The following NTN4 variants were observed in gnomAD, a reference collection of about 807,000 sequenced individuals.
The protein encoded by NTN4 is netrin 4, also known as netrin-4.
A neutral mutation model predicts 73.6 loss-of-function variants in NTN4; 32 were observed. That is an observed-to-expected ratio of 0.44 (90% CI 0.33 to 0.58). NTN4 has a LOEUF of 0.58. NTN4 is among the 20% of genes least tolerant of loss of function. The probability of loss-of-function intolerance (pLI) is 0.04; values close to 1 mark genes in which losing one functional copy is unlikely to be tolerated. For missense variants in NTN4, 654 were observed against 798.3 expected (o/e 0.82, Z 2.18); for synonymous variants, 258 against 287.5 (o/e 0.90, Z 1.04).
chr12:95,659,740 GTAGA>G (rs1043820778), intron 9 of NTN4, among the ~76,000 whole-genome samples: 19 of 152,186 alleles, frequency 1.2e-4, no homozygotes, highest in African/African-American at 4.6e-4. Context: ...ACCCTGTGAG[GTAGA>G]TAATTTTTTC....
rs548293037 is a variant in NTN4, at chr12:95,713,732, A to G, written c.865-394T>C. On this transcript the variant is annotated intron_variant, in intron 3 of 9. Coordinates refer to ENST00000343702, the MANE Select transcript of NTN4 (RefSeq NM_021229.4). ...AATCTCATTGCAAAATGACATTAAT[A>G]TAACATTTGGAGCATATAATTCCAG... 5.3e-5 allele frequency among the ~76,000 whole-genome samples: 8 copies of G among 152,260 alleles called. No homozygotes were observed. In the East Asian group the frequency reaches 5.8e-4, roughly 11 times the overall value.
intron 2 of NTN4, among the ~76,000 whole-genome samples, chr12:95,744,468 T>C (rs532200679): frequency 2.0e-5 from 3 of 152,302 alleles, no homozygotes; most frequent in African/African-American, 2.4e-5. Flanking sequence ...ATCTATGCCT[T>C]TAATGGGGAT....
chr12:95,726,310 A>G (rs540738162), intron 3 of NTN4, among the ~76,000 whole-genome samples: 7 of 152,112 alleles, frequency 4.6e-5, no homozygotes, highest in South Asian at 4.2e-4. Flanking sequence ...CCAATCACCA[A>G]CCTATTTTAT....
rs892663614 is a variant in NTN4 at position 95,789,874 on chromosome 12, G to T, written c.55+381C>A. 1.1e-5 allele frequency: 2 copies of T among 184,850 alleles called. No homozygotes were observed. The highest frequency in any genetic ancestry group is 2.2e-5 in the Non-Finnish European group (2 of 89,680). The allele number at this position is 184,850 out of a possible 1,614,324, so 11.5% of individuals were successfully genotyped here. On this transcript the variant is annotated intron_variant, in intron 1 of 9. Transcript: ENST00000343702. This position sits in a 1 kb window ranked among gnomAD's most constrained non-coding sequence, Gnocchi z 4.0. ...CCCCAGCCCACGCGCGCCCAGGGTC[G>T]CTGGGCCACCCCTCCTCATCATTCC...
rs377569213 is a variant in NTN4 at position 95,695,216 on chromosome 12, G to GA, written c.1181-11506dup. ...CATTTACTGAAGTTCAGTGTCTCCT[G>GA]AGTTTTTGTACATCCTACCCAAAAG... On this transcript the variant is annotated intron_variant, in intron 5 of 9. Transcript: ENST00000343702. 5.0e-3 allele frequency among the ~76,000 whole-genome samples: 760 copies of GA among 152,166 alleles called. 4 individuals carry two copies. Among genetic ancestry groups the GA allele is most frequent in the Non-Finnish European group, 6.8e-3 (464 of 68,006 alleles).
chr12:95,749,309 G>T (rs1179887963), intron 2 of NTN4, among the ~76,000 whole-genome samples: 1 of 152,144 alleles, frequency 6.6e-6, no homozygotes, highest in Non-Finnish European at 1.5e-5. Context: ...TCGAATTGGG[G>T]GACCTCCCTT....
intron 5 of NTN4, among the ~76,000 whole-genome samples, chr12:95,702,858 G>GTTTT (rs35050257): frequency 3.2e-5 from 4 of 123,702 alleles, no homozygotes; most frequent in South Asian, 2.8e-4. Flanking sequence ...TTTTTTTTTG[G>GTTTT]TTTTTTTTTT....
At chr12:95,720,962 T>C (rs2078643603) in intron 3 of NTN4, among the ~76,000 whole-genome samples, 1 of 152,236 alleles carries the variant, frequency 6.6e-6, no homozygotes, top group Admixed American at 6.5e-5. Flanking sequence ...ATAACTATTA[T>C]TGCCCAGTTT....
intron 7 of NTN4, chr12:95,673,117 GT>G: frequency 1.0e-6 from 1 of 998,900 alleles, no homozygotes; most frequent in Non-Finnish European, 1.5e-6. Context: ...CTTGCCTGGT[GT>G]GTCCCTCTGC....
At chr12:95,681,499 T>C (rs1009259027) in intron 7 of NTN4, among the ~76,000 whole-genome samples, 1 of 152,224 alleles carries the variant, frequency 6.6e-6, no homozygotes, top group African/African-American at 2.4e-5. Context: ...TGTTTCATAA[T>C]AAAATATATT....
chr12:95,700,686 A>G (rs749330567), intron 5 of NTN4, among the ~76,000 whole-genome samples: 4 of 152,136 alleles, frequency 2.6e-5, no homozygotes, highest in Non-Finnish European at 4.4e-5. Flanking sequence ...AATGGTGTGA[A>G]TCAGGTCAGG....
At chr12:95,780,612 C>T (rs567298276) in intron 2 of NTN4, among the ~76,000 whole-genome samples, 2 of 152,064 alleles carry the variant, frequency 1.3e-5, no homozygotes, top group Non-Finnish European at 2.9e-5. Context: ...TACCATCTCA[C>T]ACCAGTTAGA....
intron 2 of NTN4, among the ~76,000 whole-genome samples, chr12:95,766,351 T>C (rs990137799): frequency 3.3e-5 from 5 of 152,216 alleles, no homozygotes; most frequent in Admixed American, 3.3e-4. Context: ...AAATGGGATA[T>C]TCAAAGGTCT....
intron 5 of NTN4, among the ~76,000 whole-genome samples, chr12:95,691,769 T>C (rs1005668225): frequency 6.6e-6 from 1 of 152,172 alleles, no homozygotes; most frequent in Non-Finnish European, 1.5e-5. Flanking sequence ...CTTTTCGTTA[T>C]AATTTTTAGT....
At position 95,787,350 on chromosome 12, in the gene NTN4, G is replaced by A. The variant is rs369988184; in HGVS notation, c.174C>T (p.Thr58=). 22 of 1,614,052 alleles carry A rather than the reference G, an allele frequency of 1.4e-5. No individual in the cohort carries two copies. Among genetic ancestry groups the A allele is most frequent in the Non-Finnish European group, 1.8e-5 (21 of 1,180,052 alleles). ...TCTCACTGTAGAAGCAGTACAGTTC[G>A]GTAGCATTCTGACCGCAGGTGGTGT... ...WADTTCGQNA[T]ELYCFYSENT... The change falls in exon 2 of 10, where the codon ACC becomes ACT. Residue 58 remains threonine (T), a synonymous_variant. Coordinates refer to ENST00000343702, the MANE Select transcript of NTN4 (RefSeq NM_021229.4).
rs368445088 is a variant in NTN4, at chr12:95,787,191, A to G, written c.333T>C (p.Asp111=). 1 of 1,614,094 alleles carries G rather than the reference A, an allele frequency of 6.2e-7. No homozygotes were observed. Among genetic ancestry groups the G allele is most frequent in the Non-Finnish European group, 8.5e-7 (1 of 1,180,050 alleles). Residue 111 remains aspartate, a synonymous_variant, in exon 2 of 10, where the codon GAT becomes GAC. Transcript: ENST00000343702. ...FPRTWWQSAE[D]VHREKIQLDL... Reference sequence around the variant, plus strand: ...CTAACTGGATCTTTTCTCTGTGCACATCCTCCGCAGACTGCCACCATGTGC... The same window carrying G: ...CTAACTGGATCTTTTCTCTGTGCACGTCCTCCGCAGACTGCCACCATGTGC...
Position 95,790,269 on chromosome 12 carries a change from G to A in NTN4, c.41C>T (p.Thr14Met), listed in dbSNP as rs760172893. The A allele has an allele frequency of 2.0e-6, 3 of 1,536,882 alleles. 1 individual carries two copies. Among genetic ancestry groups the A allele is most frequent in the South Asian group, 2.4e-5 (2 of 82,642 alleles). ...CARLLLLWGC[T>M]VVAAGLSGVA... ...TCACCACCCACCTGCGGCCACCACC[G>A]TGCAGCCCCAGAGCAGCAGCAGCCG... The change falls in exon 1 of 10, where the codon ACG becomes ATG. Residue 14 changes from threonine to methionine, a missense_variant. Transcript: ENST00000343702. The surrounding 1 kb of genome is among the most constrained non-coding windows in gnomAD (Gnocchi z 6.5).
intron 2 of NTN4, among the ~76,000 whole-genome samples, chr12:95,771,104 C>T (rs1312486475): frequency 6.6e-6 from 1 of 151,498 alleles, no homozygotes; most frequent in Non-Finnish European, 1.5e-5. Flanking sequence ...ATTCTCCTGC[C>T]TCAGCCTCCC....
At chr12:95,734,613 C>T (rs1377058298) in intron 3 of NTN4, among the ~76,000 whole-genome samples, 7 of 152,266 alleles carry the variant, frequency 4.6e-5, no homozygotes, top group Admixed American at 4.6e-4. Context: ...CTTCTACAGC[C>T]GTGTACATAA....
Sources: gnomAD v4.1 joint callset for allele counts (sites outside exome capture counted in the v4.1 genomes callset) on GRCh38, gnomAD v4.1.1 for gene constraint, Gnocchi (gnomAD v3.1) non-coding constraint, MANE v1.5 for transcripts, NCBI Gene and HGNC (gene_info 2026-07-23, HGNC 2026-07-21) for gene names.